KCNIP3: variants seen among roughly 807,000 people sequenced by gnomAD.
KCNIP3 encodes the protein potassium voltage-gated channel interacting protein 3.
A neutral mutation model predicts 35.0 loss-of-function variants in KCNIP3; 28 were observed. That is an observed-to-expected ratio of 0.80 (90% CI 0.59 to 1.10). The LOEUF (loss-of-function observed/expected upper bound fraction) is 1.10. Among genes scored for constraint, KCNIP3 ranks in the 50% least tolerant of loss-of-function variants. KCNIP3 has a pLI of 0.00. For missense variants in KCNIP3, 295 were observed against 338.4 expected, an observed-to-expected ratio of 0.87 and a Z score of 1.01; for synonymous variants, 134 against 133.8, an observed-to-expected ratio of 1.00 and a Z score of -0.01.
intron 2 of KCNIP3, among the ~76,000 whole-genome samples, chr2:95,361,615 G>T (rs929036413): frequency 2.0e-5 from 3 of 152,176 alleles, no homozygotes; most frequent in Non-Finnish European, 2.9e-5. Context: ...GTGCCCAACA[G>T]GTGTAAACAT....
chr2:95,375,998 T>A (rs1258964090), intron 5 of KCNIP3, among the ~76,000 whole-genome samples: 1 of 152,106 alleles, frequency 6.6e-6, no homozygotes, highest in Non-Finnish European at 1.5e-5. Flanking sequence ...GGGGTAATAA[T>A]AACTTGTCGA....
At chr2:95,324,225 G>A (rs1057508446) in intron 2 of KCNIP3, among the ~76,000 whole-genome samples, 2 of 152,206 alleles carry the variant, frequency 1.3e-5, no homozygotes, top group Admixed American at 6.5e-5. Context: ...TCTTAATAAC[G>A]TGAGGGCCGG....
intron 1 of KCNIP3, chr2:95,303,547 A>G (rs1678090318): frequency 6.6e-6 from 1 of 152,164 alleles, no homozygotes; most frequent in African/African-American, 2.4e-5. Flanking sequence ...TGTCTCCATA[A>G]TATCCCCAGC....
In KCNIP3 at chr2:95,374,905, T is replaced by C. The variant is rs1680137942; in HGVS notation, c.364T>C (p.Phe122Leu). 6.2e-7 allele frequency: 1 copy of C among 1,613,968 alleles called. No homozygotes were observed. The highest frequency in any genetic ancestry group is 1.3e-5 in the African/African-American group (1 of 75,062). Reference sequence around the variant, plus strand: ...CTTCAAACTCATTTACGCGCAGTTCTTCCCTCAGGGAGGTGAGTCTGAGGC... The same window carrying C: ...CTTCAAACTCATTTACGCGCAGTTCCTCCCTCAGGGAGGTGAGTCTGAGGC... ...DTFKLIYAQF[F>L]PQGDATTYAH... is the part of the protein sequence containing the mutation. Residue 122 changes from phenylalanine (F) to leucine (L), a missense_variant, in exon 4 of 9, where the codon TTC becomes CTC. Coordinates refer to ENST00000295225, the MANE Select transcript of KCNIP3 (RefSeq NM_013434.5).
chr2:95,347,050 A>G (rs766910914), intron 2 of KCNIP3: 27 of 1,611,314 alleles, frequency 1.7e-5, no homozygotes, highest in Non-Finnish European at 2.3e-5. Flanking sequence ...GCTGTGCGCC[A>G]TGGCCGTGGT....
At chr2:95,326,359 C>T (rs777594293) in intron 2 of KCNIP3, among the ~76,000 whole-genome samples, 12 of 152,168 alleles carry the variant, frequency 7.9e-5, no homozygotes, top group Non-Finnish European at 1.6e-4. Context: ...CATAAACACA[C>T]ACCCCAGTAC....
At chr2:95,359,345 C>T (rs1049808396) in intron 2 of KCNIP3, among the ~76,000 whole-genome samples, 2 of 152,162 alleles carry the variant, frequency 1.3e-5, no homozygotes, top group African/African-American at 4.8e-5. Context: ...CATTTCCATT[C>T]AGGGAGAAAC....
chr2:95,384,178 ACAC>A lies in KCNIP3; in HGVS notation c.*130_*132del, dbSNP rs1680426362. 1.6e-6 allele frequency: 1 copy of A among 641,996 alleles called. No homozygotes were observed. The allele number at this position is 641,996 out of a possible 1,614,324, so 39.8% of individuals were successfully genotyped here. ...AAAGTGAACAGATTGCTACACACACACACACACACACACACACACACACACACA... is the reference window on the plus strand; with the variant it reads ...AAAGTGAACAGATTGCTACACACACAACACACACACACACACACACACACA... On this transcript the variant is annotated 3_prime_UTR_variant, in exon 9 of 9. Transcript: ENST00000295225.
At chr2:95,339,926 G>C (rs1679151351) in intron 2 of KCNIP3, among the ~76,000 whole-genome samples, 1 of 152,214 alleles carries the variant, frequency 6.6e-6, no homozygotes, top group Non-Finnish European at 1.5e-5. Context: ...CCCTGTGGCT[G>C]TGTTCTCCCC....
rs1242801461 is a variant in KCNIP3, at chr2:95,344,424, G to A, written c.182-29872G>A. On this transcript the variant is annotated intron_variant, in intron 2 of 8. Transcript: ENST00000295225. Reference sequence around the variant, plus strand: ...AGTCAGCTCCCCATCCATTAGGCCCGTAGCCCAGGTGGCTAATGCCACGTG... The same window carrying A: ...AGTCAGCTCCCCATCCATTAGGCCCATAGCCCAGGTGGCTAATGCCACGTG... 3.3e-5 allele frequency among the ~76,000 whole-genome samples: 5 copies of A among 152,344 alleles called. No homozygotes were observed. The South Asian group carries it at 8.3e-4, about 25-fold the overall frequency.
intron 4 of KCNIP3, 109 bp downstream of exon 4, chr2:95,375,026 C>T (rs1186692415): frequency 1.3e-6 from 2 of 1,512,828 alleles, no homozygotes; most frequent in Non-Finnish European, 1.8e-6. Flanking sequence ...CCGTGGGAAA[C>T]AGGGACTCCA....
At chr2:95,346,680 G>C (rs945866461) in intron 2 of KCNIP3, 6 of 146,728 alleles carry the variant, frequency 4.1e-5, no homozygotes, top group African/African-American at 1.5e-4. Context: ...CCCGCGCCGG[G>C]CATGGAGGCG....
At chr2:95,318,559 G>A (rs1285819209) in intron 2 of KCNIP3, among the ~76,000 whole-genome samples, 12 of 152,154 alleles carry the variant, frequency 7.9e-5, no homozygotes, top group Non-Finnish European at 1.8e-4. Flanking sequence ...GTGGGGAACC[G>A]GGAGGTGGGT....
chr2:95,375,308 T>TC (rs1680157236), intron 5 of KCNIP3, 100 bp downstream of exon 5: 1 of 1,107,534 alleles, frequency 9.0e-7, no homozygotes, highest in Non-Finnish European at 1.3e-6. Flanking sequence ...AGAGCCATGG[T>TC]CCTGGGTGGG....
intron 1 of KCNIP3, among the ~76,000 whole-genome samples, chr2:95,297,884 G>A (rs904320051): frequency 6.6e-6 from 1 of 152,178 alleles, no homozygotes; most frequent in Non-Finnish European, 1.5e-5. Context: ...GGAGGGGTGA[G>A]CCTGGGAGGG....
intron 2 of KCNIP3, among the ~76,000 whole-genome samples, chr2:95,359,167 G>A (rs1679730032): frequency 6.6e-6 from 1 of 152,068 alleles, no homozygotes; most frequent in Admixed American, 6.6e-5. Flanking sequence ...AAAGGTCTTA[G>A]CTCATTCCAG....
chr2:95,375,010 C>T (rs1039834127), intron 4 of KCNIP3, 93 bp downstream of exon 4: 34 of 1,521,002 alleles, frequency 2.2e-5, no homozygotes, highest in Non-Finnish European at 3.0e-5. Flanking sequence ...TGGTGCTGCC[C>T]CTGTCCCGTG....
chr2:95,315,904 C>T (rs972688715), intron 2 of KCNIP3, among the ~76,000 whole-genome samples: 28 of 152,316 alleles, frequency 1.8e-4, no homozygotes, highest in South Asian at 6.2e-4. Flanking sequence ...CTGGGCATGA[C>T]GACAGAGCAC....
chr2:95,353,212 C>G (rs1679571277), intron 2 of KCNIP3, among the ~76,000 whole-genome samples: 1 of 152,156 alleles, frequency 6.6e-6, no homozygotes, highest in South Asian at 2.1e-4. Flanking sequence ...GAGGCAAGGC[C>G]CTGGGAAGAG....
Sources: allele counts gnomAD v4.1 joint callset (sites outside exome capture counted in the v4.1 genomes callset), GRCh38; gene constraint gnomAD v4.1.1; transcripts MANE v1.5; gene names NCBI Gene and HGNC (gene_info 2026-07-23, HGNC 2026-07-21).